Variants in ADGRV1 observed in about 807,000 individuals in gnomAD.
ADGRV1 encodes G-protein coupled receptor 98.
A neutral mutation model predicts 596.2 loss-of-function variants in ADGRV1; 359 were observed. That is an observed-to-expected ratio of 0.60 (90% CI 0.55 to 0.66). The LOEUF is 0.66. Among genes scored for constraint, ADGRV1 ranks in the 30% least tolerant of loss-of-function variants. ADGRV1 has a pLI of 0.00. For synonymous variants in ADGRV1, 2,681 were observed against 2,679.2 expected (o/e 1.00, Z -0.02); for missense variants, 7,274 against 7,575.6 (o/e 0.96, Z 1.48).
At chr5:90,764,063 T>C (rs1338110854) in intron 59 of ADGRV1, among the ~76,000 whole-genome samples, 2 of 152,092 alleles carry the variant, frequency 1.3e-5, no homozygotes, top group Non-Finnish European at 2.9e-5. Context: ...TGTTGGAATG[T>C]ATTGGGGTCT....
chr5:90,843,219 A>G (rs1330081242), intron 78 of ADGRV1, among the ~76,000 whole-genome samples: 1 of 152,196 alleles, frequency 6.6e-6, no homozygotes, highest in African/African-American at 2.4e-5. Context: ...CTTTCCTGAA[A>G]AAGAAGAAAA....
At chr5:91,154,981 A>G (rs1053590660) in intron 89 of ADGRV1, among the ~76,000 whole-genome samples, 1 of 152,216 alleles carries the variant, frequency 6.6e-6, no homozygotes, top group Non-Finnish European at 1.5e-5. Context: ...ACAATTCAAG[A>G]TGAGATTTTG....
Position 90,818,584 on chromosome 5 carries a change from A to G in ADGRV1, c.16196+2848A>G, listed in dbSNP as rs1172570526. Among the ~76,000 whole-genome samples the G allele has an allele frequency of 3.9e-3, 593 of 151,186 alleles. 2 individuals are homozygous for G. The highest frequency in any genetic ancestry group is 0.014 in the African/African-American group (558 of 41,006). ...GATAGCTCTTATTATTTTGAAATACATCCCATCAATACCTAATTTATTGAG... is the reference window on the plus strand; with the variant it reads ...GATAGCTCTTATTATTTTGAAATACGTCCCATCAATACCTAATTTATTGAG... On this transcript the variant is annotated intron_variant, in intron 75 of 89. Transcript: ENST00000405460.
At position 90,854,159 on chromosome 5, in the gene ADGRV1, C is replaced by T. The variant is rs1385273135; in HGVS notation, c.17552C>T (p.Pro5851Leu). The T allele has an allele frequency of 6.4e-7, 1 of 1,557,256 alleles. No individual in the cohort carries two copies. Among genetic ancestry groups the T allele is most frequent in the Non-Finnish European group, 8.7e-7 (1 of 1,149,044 alleles). ...RIYAAEPRIIPQTSLCLLWNQ... is the reference protein window; with the variant it reads ...RIYAAEPRIILQTSLCLLWNQ... ...TATGCTGCTGAGCCTAGAATTATTCCTCAGACATCTCTGTGTCTCCTTTGG... is the reference window on the plus strand; with the variant it reads ...TATGCTGCTGAGCCTAGAATTATTCTTCAGACATCTCTGTGTCTCCTTTGG... The change falls in exon 81 of 90, where the codon CCT (proline) becomes CTT (leucine). Residue 5851 changes from proline (P) to leucine (L), a missense_variant. Transcript: ENST00000405460.
In ADGRV1 at chr5:90,811,032, A is replaced by G. The variant is rs375261317; in HGVS notation, c.15772A>G (p.Thr5258Ala). ...TGGGTTTACTGGCAATGTCAGCATA[A>G]CAGTTAAAACTTTCGGTGAAAGATG... is the stretch of plus-strand genomic sequence containing the variant. Reference protein sequence around the residue: ...TGGFTGNVSITVKTFGERCAQ... With the variant: ...TGGFTGNVSIAVKTFGERCAQ... Residue 5258 changes from threonine (T) to alanine (A), a missense_variant, in exon 74 of 90, where the codon ACA becomes GCA. By Grantham distance (58) the Thr-to-Ala change is moderately conservative. Around this residue, in one of 5 missense-constraint regions of ADGRV1, gnomAD observed 1,874 missense variants for 1,970.2 expected, o/e 0.95. Coordinates refer to ENST00000405460, the MANE Select transcript of ADGRV1 (RefSeq NM_032119.4). 1.2e-6 allele frequency: 2 copies of G among 1,613,902 alleles called. No individual in the cohort carries two copies. The highest frequency in any genetic ancestry group is 1.7e-6 in the Non-Finnish European group (2 of 1,179,898).
intron 85 of ADGRV1, among the ~76,000 whole-genome samples, chr5:91,002,430 T>TTA (rs1268379423): frequency 6.6e-6 from 1 of 152,210 alleles, no homozygotes; most frequent in East Asian, 1.9e-4. Flanking sequence ...GTCATTTTGC[T>TTA]TATTACTGCT....
chr5:91,056,881 AC>A (rs1362114914), intron 85 of ADGRV1, among the ~76,000 whole-genome samples: 1 of 152,222 alleles, frequency 6.6e-6, no homozygotes, highest in Non-Finnish European at 1.5e-5. Context: ...GCTCGAATTT[AC>A]TTTTTGTCTA....
At chr5:90,768,436 G>A (rs1392911574) in intron 59 of ADGRV1, among the ~76,000 whole-genome samples, 2 of 152,130 alleles carry the variant, frequency 1.3e-5, no homozygotes, top group Admixed American at 6.5e-5. Flanking sequence ...CATCAATAAT[G>A]CCCAGGTGGA....
intron 83 of ADGRV1, among the ~76,000 whole-genome samples, chr5:90,902,569 AT>A (rs1305863179): frequency 6.6e-6 from 1 of 152,140 alleles, no homozygotes; most frequent in Non-Finnish European, 1.5e-5. Context: ...GCGCATCAAT[AT>A]AAGTGCCCAT....
At chr5:90,935,920 G>A (rs1775646707) in intron 83 of ADGRV1, among the ~76,000 whole-genome samples, 1 of 152,302 alleles carries the variant, frequency 6.6e-6, no homozygotes. Flanking sequence ...GAAGGCTGTA[G>A]TGTGTTGTGA....
chr5:91,015,460 A>G (rs1271127114), intron 85 of ADGRV1, among the ~76,000 whole-genome samples: 1 of 151,988 alleles, frequency 6.6e-6, no homozygotes, highest in Non-Finnish European at 1.5e-5. Flanking sequence ...TCAATGGTCT[A>G]TCTAATACTG....
At chr5:90,807,541 T>G in intron 72 of ADGRV1, 61 bp from the exon 73 acceptor site, 1 of 1,489,614 alleles carries the variant, frequency 6.7e-7, no homozygotes, top group Non-Finnish European at 9.1e-7. Flanking sequence ...GTTTTAAAAG[T>G]CAAATCCCAA....
chr5:90,759,658 T>C (rs1042989718), intron 58 of ADGRV1, 70 bp downstream of exon 58: 8 of 1,413,396 alleles, frequency 5.7e-6, no homozygotes, highest in African/African-American at 1.4e-5. Flanking sequence ...GTAGAAAGTG[T>C]CTCACATTTT....
intron 37 of ADGRV1, among the ~76,000 whole-genome samples, 158 bp downstream of exon 37, chr5:90,705,737 G>T (rs957922235): frequency 3.9e-5 from 6 of 152,182 alleles, no homozygotes; most frequent in African/African-American, 1.4e-4. Flanking sequence ...TCTTTGAAAA[G>T]ATTAAAGGAA....
At chr5:90,877,694 GA>G (rs1242599742) in intron 83 of ADGRV1, among the ~76,000 whole-genome samples, 1 of 150,896 alleles carries the variant, frequency 6.6e-6, no homozygotes, top group Non-Finnish European at 1.5e-5. Flanking sequence ...GAAGAGATAG[GA>G]AAAAATAGTT....
intron 83 of ADGRV1, among the ~76,000 whole-genome samples, chr5:90,900,717 T>G (rs929026754): frequency 2.0e-5 from 3 of 152,078 alleles, no homozygotes; most frequent in Admixed American, 1.3e-4. Flanking sequence ...CTCACCTACA[T>G]TACTTGCCTG....
In ADGRV1 at chr5:90,558,856, G is replaced by A. The variant is rs371383993; in HGVS notation, c.-40G>A. 5.5e-5 allele frequency: 85 copies of A among 1,558,828 alleles called. 2 individuals carry two copies. The African/African-American group carries it at 8.4e-4, about 15-fold the overall frequency. ...GGACGGGAGTCAGAGGCAGAGCGAG[G>A]GTGTGTGGAGGGCCGGCGGGGACCG... is the stretch of plus-strand genomic sequence containing the variant. On this transcript the variant is annotated 5_prime_UTR_variant, in exon 1 of 90. Transcript: ENST00000405460.
At chr5:90,814,672 G>A (rs906594962) in intron 74 of ADGRV1, among the ~76,000 whole-genome samples, 7 of 152,016 alleles carry the variant, frequency 4.6e-5, no homozygotes, top group African/African-American at 7.3e-5. Context: ...CCCTTCCACC[G>A]TGATTGTAAG....
At chr5:90,912,369 T>C (rs981477149) in intron 83 of ADGRV1, among the ~76,000 whole-genome samples, 20 of 152,152 alleles carry the variant, frequency 1.3e-4, no homozygotes, top group African/African-American at 4.8e-4. Context: ...GCATCATCTT[T>C]CTTAAAAAAT....
Sources: gnomAD v4.1 joint callset for allele counts (sites outside exome capture counted in the v4.1 genomes callset) on GRCh38, gnomAD v4.1.1 for gene constraint, gnomAD v4.1.1 regional missense constraint, MANE v1.5 for transcripts, NCBI Gene and HGNC (gene_info 2026-07-23, HGNC 2026-07-21) for gene names.